CPE: variants seen among roughly 807,000 people sequenced by gnomAD.
The protein encoded by CPE is carboxypeptidase E, also known as carbocypeptidase E.
A neutral mutation model predicts 53.5 loss-of-function variants in CPE; 17 were observed. That is an observed-to-expected ratio of 0.32 (90% CI 0.22 to 0.48). The LOEUF (loss-of-function observed/expected upper bound fraction) is 0.48, where lower values mean the gene tolerates loss of function less well. CPE is among the 20% of genes least tolerant of loss of function. The pLI is 0.99. For synonymous variants in CPE, 226 were observed against 228.8 expected (o/e 0.99, Z 0.11); for missense variants, 524 against 614.7 (o/e 0.85, Z 1.56).
chr4:165,385,722 A>G (rs1446818981), intron 1 of CPE, among the ~76,000 whole-genome samples: 2 of 152,174 alleles, frequency 1.3e-5, no homozygotes, highest in African/African-American at 2.4e-5. Flanking sequence ...ACTCAATAGG[A>G]CACTCAATAG....
At chr4:165,393,956 T>C (rs1055344672) in intron 1 of CPE, among the ~76,000 whole-genome samples, 7 of 152,194 alleles carry the variant, frequency 4.6e-5, no homozygotes, top group African/African-American at 1.7e-4. Context: ...CAAGCTTTTG[T>C]TGGAAGACTG....
At position 165,492,225 on chromosome 4, in the gene CPE, G is replaced by T. The variant is rs78976659; in HGVS notation, c.1114-946G>T. ...AAATCAACATTCTATTTTCTGTTATGAGGCTCACTACTCTATTTTCAGCCA... is the reference window on the plus strand; with the variant it reads ...AAATCAACATTCTATTTTCTGTTATTAGGCTCACTACTCTATTTTCAGCCA... On this transcript the variant is annotated intron_variant, in intron 6 of 8. Transcript: ENST00000402744. 9.0e-3 allele frequency among the ~76,000 whole-genome samples: 1,366 copies of T among 152,238 alleles called. 6 individuals carry two copies. Among genetic ancestry groups the T allele is most frequent in the Non-Finnish European group, 0.015 (988 of 68,016 alleles).
At chr4:165,451,175 A>G (rs1242527902) in intron 1 of CPE, among the ~76,000 whole-genome samples, 1 of 152,160 alleles carries the variant, frequency 6.6e-6, no homozygotes, top group Non-Finnish European at 1.5e-5. Flanking sequence ...GCCCTGCCAT[A>G]TGGGATAGGT....
intron 1 of CPE, among the ~76,000 whole-genome samples, chr4:165,443,486 T>C (rs1731650627): frequency 6.6e-6 from 1 of 152,200 alleles, no homozygotes; most frequent in Non-Finnish European, 1.5e-5. Context: ...AGACTGGAAG[T>C]CTGAGATCAA....
At chr4:165,448,627 G>C (rs1373595402) in intron 1 of CPE, among the ~76,000 whole-genome samples, 1 of 151,008 alleles carries the variant, frequency 6.6e-6, no homozygotes, top group Non-Finnish European at 1.5e-5. Context: ...AACTAATAAA[G>C]AATAAAGCAA....
At chr4:165,448,951 T>C (rs1219546798) in intron 1 of CPE, among the ~76,000 whole-genome samples, 2 of 152,186 alleles carry the variant, frequency 1.3e-5, no homozygotes, top group East Asian at 1.9e-4. Flanking sequence ...TAGGGGAAGA[T>C]ATTTAAACTC....
intron 1 of CPE, among the ~76,000 whole-genome samples, chr4:165,425,252 G>A (rs13102522): frequency 0.3 from 44,890 of 151,768 alleles, 6,729 homozygotes; most frequent in Middle Eastern, 0.39. Context: ...TATTATGAAA[G>A]TGTAAATATT....
chr4:165,418,920 ATAT>A (rs1442040817), intron 1 of CPE, among the ~76,000 whole-genome samples: 4 of 152,206 alleles, frequency 2.6e-5, no homozygotes, highest in African/African-American at 4.8e-5. Flanking sequence ...TTTGAAAAAA[ATAT>A]TATAAATATT....
At chr4:165,436,898 AC>A (rs1486647927) in intron 1 of CPE, among the ~76,000 whole-genome samples, 2 of 152,254 alleles carry the variant, frequency 1.3e-5, no homozygotes, top group African/African-American at 4.8e-5. Context: ...CTAAAGGTTT[AC>A]CGAAAACCAC....
chr4:165,453,368 C>CTCTT (rs1019927312), intron 1 of CPE, among the ~76,000 whole-genome samples: 4 of 147,874 alleles, frequency 2.7e-5, no homozygotes, highest in African/African-American at 1.0e-4. Flanking sequence ...CTCTCTCTCT[C>CTCTT]TCTTTCTTTC....
At chr4:165,388,748 A>G (rs1478269531) in intron 1 of CPE, among the ~76,000 whole-genome samples, 1 of 105,368 alleles carries the variant, frequency 9.5e-6, no homozygotes, top group African/African-American at 4.0e-5. Context: ...GACATTTGCA[A>G]AATGAAATAC....
At chr4:165,457,457 T>C (rs1034831562) in intron 1 of CPE, among the ~76,000 whole-genome samples, 2 of 152,260 alleles carry the variant, frequency 1.3e-5, no homozygotes, top group African/African-American at 4.8e-5. Flanking sequence ...CTGACATTAT[T>C]TTATAAACTT....
At chr4:165,393,745 T>C (rs1011626782) in intron 1 of CPE, among the ~76,000 whole-genome samples, 1 of 152,196 alleles carries the variant, frequency 6.6e-6, no homozygotes, top group African/African-American at 2.4e-5. Flanking sequence ...ATGTAACTTA[T>C]CAGTTATGTT....
Position 165,432,221 on chromosome 4 carries a change from G to A in CPE, c.308-32169G>A, listed in dbSNP as rs532812389. Among the ~76,000 whole-genome samples, 5 of 152,252 alleles carry A rather than the reference G, an allele frequency of 3.3e-5. No individual in the cohort carries two copies. The South Asian group carries it at 6.2e-4, about 19-fold the overall frequency. ...ATAGCTACATTCTTGCCATTGTGCCGGGCACTGATGACGGATGTGCTAGGC... is the reference window on the plus strand; with the variant it reads ...ATAGCTACATTCTTGCCATTGTGCCAGGCACTGATGACGGATGTGCTAGGC... On this transcript the variant is annotated intron_variant, in intron 1 of 8. Transcript: ENST00000402744.
chr4:165,466,606 T>A (rs1369133332), intron 2 of CPE, among the ~76,000 whole-genome samples: 2 of 152,096 alleles, frequency 1.3e-5, no homozygotes, highest in Non-Finnish European at 1.5e-5. Flanking sequence ...ACACTCCGAC[T>A]CCCTGGTTCA....
At position 165,488,944 on chromosome 4, in the gene CPE, C is replaced by T. The variant is rs145361507; in HGVS notation, c.1113+1367C>T. Among the ~76,000 whole-genome samples the T allele has an allele frequency of 4.9e-3, 752 of 152,228 alleles. 27 individuals are homozygous for T. Among genetic ancestry groups the T allele is most frequent in the Non-Finnish European group, 7.5e-4 (51 of 68,022 alleles). The stretch of plus-strand genomic sequence containing the variant: ...ACTGTAATACCTTACCAGGGACTGT[C>T]GTGGAATAGATCCACTGATGTCAGA... On this transcript the variant is annotated intron_variant, in intron 6 of 8. Coordinates refer to ENST00000402744, the MANE Select transcript of CPE (RefSeq NM_001873.4).
At chr4:165,486,285 T>C (rs35499507) in intron 5 of CPE, among the ~76,000 whole-genome samples, 33,989 of 151,986 alleles carry the variant, frequency 0.22, 4,324 homozygotes, top group Non-Finnish European at 0.29. Context: ...ATAAAAGCAA[T>C]CTGGTGGGCA....
At chr4:165,436,705 T>C (rs1434745730) in intron 1 of CPE, among the ~76,000 whole-genome samples, 1 of 152,202 alleles carries the variant, frequency 6.6e-6, no homozygotes, top group East Asian at 1.9e-4. Flanking sequence ...GCTCTTGCTA[T>C]ATTGCCCAGG....
intron 1 of CPE, among the ~76,000 whole-genome samples, chr4:165,441,110 G>T (rs150641123): frequency 2.6e-5 from 4 of 152,102 alleles, no homozygotes; most frequent in Non-Finnish European, 4.4e-5. Flanking sequence ...TTCCCAGGGG[G>T]TGACCACATG....
Sources: allele counts gnomAD v4.1 joint callset (sites outside exome capture counted in the v4.1 genomes callset), GRCh38; gene constraint gnomAD v4.1.1; transcripts MANE v1.5; gene names NCBI Gene and HGNC (gene_info 2026-07-23, HGNC 2026-07-21).